Variants in ETV6 observed in about 807,000 individuals in gnomAD.
The protein encoded by ETV6 is ETS variant transcription factor 6.
Under a neutral mutation model 51.1 loss-of-function variants are expected in ETV6, and 16 were observed. That is an observed-to-expected ratio of 0.31 (90% CI 0.21 to 0.48). The LOEUF (loss-of-function observed/expected upper bound fraction) is 0.48. Ranked by LOEUF, ETV6 falls within the 20% of genes least tolerant of loss-of-function variation. The probability of loss-of-function intolerance (pLI) is 0.99; values close to 1 mark genes in which losing one functional copy is unlikely to be tolerated. For synonymous variants in ETV6, 240 were observed against 224.1 expected, an observed-to-expected ratio of 1.07 and a Z score of -0.64; for missense variants, 458 against 594.8, an observed-to-expected ratio of 0.77 and a Z score of 2.39.
intron 1 of ETV6, among the ~76,000 whole-genome samples, chr12:11,739,675 C>A (rs539916555): frequency 4.6e-5 from 7 of 151,490 alleles, no homozygotes; most frequent in Middle Eastern, 3.4e-3. Context: ...ACATAAAATA[C>A]CTCAGTAATT....
intron 3 of ETV6, among the ~76,000 whole-genome samples, chr12:11,841,735 C>T (rs532056549): frequency 1.3e-5 from 2 of 152,146 alleles, no homozygotes; most frequent in Non-Finnish European, 2.9e-5. Flanking sequence ...GTAATGGAGC[C>T]TGACTTTGAA....
At chr12:11,824,880 A>C (rs1946130628) in intron 2 of ETV6, among the ~76,000 whole-genome samples, 1 of 152,250 alleles carries the variant, frequency 6.6e-6, no homozygotes. Flanking sequence ...ATTTATTTGA[A>C]TGCTACATGA....
intron 1 of ETV6, among the ~76,000 whole-genome samples, chr12:11,717,523 G>T (rs1209885174): frequency 6.6e-6 from 1 of 152,104 alleles, no homozygotes; most frequent in Non-Finnish European, 1.5e-5. Flanking sequence ...AACGCTATGG[G>T]GCATGTATAC....
At chr12:11,676,690 A>G (rs578019384) in intron 1 of ETV6, among the ~76,000 whole-genome samples, 1 of 152,302 alleles carries the variant, frequency 6.6e-6, no homozygotes, top group African/African-American at 2.4e-5. Flanking sequence ...TGAAACTTCT[A>G]TCACATCACC....
chr12:11,888,966 C>T (rs914962636), intron 7 of ETV6, among the ~76,000 whole-genome samples: 1 of 152,014 alleles, frequency 6.6e-6, no homozygotes, highest in Non-Finnish European at 1.5e-5. Context: ...AGTCCTTCTC[C>T]CCGACAACTA....
chr12:11,666,277 A>T (rs1864192365), intron 1 of ETV6, among the ~76,000 whole-genome samples: 1 of 151,888 alleles, frequency 6.6e-6, no homozygotes. Context: ...AGCTCTTTCC[A>T]GTCTTCTCTT....
chr12:11,796,650 C>T (rs527533440), intron 2 of ETV6, among the ~76,000 whole-genome samples: 20 of 152,284 alleles, frequency 1.3e-4, no homozygotes, highest in African/African-American at 4.1e-4. Flanking sequence ...ACTGTCCATG[C>T]GTGGGGCCGA....
chr12:11,835,186 G>T (rs899780190), intron 2 of ETV6, among the ~76,000 whole-genome samples: 2 of 152,188 alleles, frequency 1.3e-5, no homozygotes, highest in African/African-American at 4.8e-5. Flanking sequence ...AGAATTTTTA[G>T]TAACTTTCTT....
At chr12:11,704,102 T>A (rs1227914850) in intron 1 of ETV6, among the ~76,000 whole-genome samples, 1 of 152,282 alleles carries the variant, frequency 6.6e-6, no homozygotes, top group Non-Finnish European at 1.5e-5. Flanking sequence ...TTACTCATTA[T>A]TTCGTCTGTC....
chr12:11,878,702 C>T (rs1376049262), intron 5 of ETV6, among the ~76,000 whole-genome samples: 1 of 151,750 alleles, frequency 6.6e-6, no homozygotes, highest in Non-Finnish European at 1.5e-5. Context: ...TCCTAAGCCA[C>T]GGCAAAGCAC....
At chr12:11,790,969 T>C (rs776076684) in intron 2 of ETV6, among the ~76,000 whole-genome samples, 2 of 152,028 alleles carry the variant, frequency 1.3e-5, no homozygotes, top group Admixed American at 6.5e-5. Flanking sequence ...CTGTGAGCCA[T>C]TGCGCCCGGC....
At chr12:11,888,253 C>T (rs1947228654) in intron 7 of ETV6, among the ~76,000 whole-genome samples, 1 of 152,128 alleles carries the variant, frequency 6.6e-6, no homozygotes, top group South Asian at 2.1e-4. Flanking sequence ...ATACCTACAC[C>T]CTCAAGGCTC....
At position 11,891,571 on chromosome 12, in the gene ETV6, T is replaced by C; in HGVS notation, c.*525T>C. ...TCTTTTTCCTGCCACGTGGATCAGGTCTGTTCCTGTTACTGTTGGGTCTTG... is the reference window on the plus strand; with the variant it reads ...TCTTTTTCCTGCCACGTGGATCAGGCCTGTTCCTGTTACTGTTGGGTCTTG... On this transcript the variant is annotated 3_prime_UTR_variant, in exon 8 of 8. Coordinates refer to ENST00000396373, the MANE Select transcript of ETV6 (RefSeq NM_001987.5). 1 of 535,752 alleles carries C rather than the reference T, an allele frequency of 1.9e-6. No homozygotes were observed. The highest frequency in any genetic ancestry group is 1.5e-5 in the South Asian group (1 of 65,166). 33.2% of individuals were successfully genotyped at this position (535,752 alleles called of 1,614,324 possible). A position where few individuals can be genotyped will look rare whatever the true frequency, so the allele number is the denominator to read the frequency against.
intron 1 of ETV6, among the ~76,000 whole-genome samples, chr12:11,691,339 G>GGA (rs1217190849): frequency 2.0e-5 from 3 of 152,130 alleles, no homozygotes; most frequent in Non-Finnish European, 1.5e-5. Flanking sequence ...TCTAGGACCT[G>GGA]GAGCATAACC....
At chr12:11,664,189 A>C (rs1199750838) in intron 1 of ETV6, among the ~76,000 whole-genome samples, 1 of 152,184 alleles carries the variant, frequency 6.6e-6, no homozygotes, top group Non-Finnish European at 1.5e-5. Context: ...TGGGTTTTTA[A>C]TGGAAGAGAA....
chr12:11,872,874 G>A (rs1443865040), intron 5 of ETV6, among the ~76,000 whole-genome samples: 1 of 152,062 alleles, frequency 6.6e-6, no homozygotes, highest in East Asian at 1.9e-4. Flanking sequence ...AGGAAGCTTG[G>A]TGGAATACTG....
chr12:11,678,347 T>G (rs981155858), intron 1 of ETV6, among the ~76,000 whole-genome samples: 2 of 152,144 alleles, frequency 1.3e-5, no homozygotes, highest in East Asian at 3.8e-4. Context: ...GTCTGTATGT[T>G]TAGTCTGGAG....
intron 4 of ETV6, among the ~76,000 whole-genome samples, chr12:11,866,086 C>G (rs988359097): frequency 2.0e-5 from 3 of 152,074 alleles, no homozygotes; most frequent in Non-Finnish European, 4.4e-5. Flanking sequence ...ACTGATCTGT[C>G]TTCAAATTTT....
At chr12:11,842,749 T>C (rs1451839795) in intron 3 of ETV6, among the ~76,000 whole-genome samples, 2 of 152,220 alleles carry the variant, frequency 1.3e-5, no homozygotes, top group African/African-American at 2.4e-5. Context: ...GGTAGATTCA[T>C]TGGCTTACTT....
Sources: gnomAD v4.1 joint callset for allele counts (sites outside exome capture counted in the v4.1 genomes callset) on GRCh38, gnomAD v4.1.1 for gene constraint, MANE v1.5 for transcripts, NCBI Gene and HGNC (gene_info 2026-07-23, HGNC 2026-07-21) for gene names.